Variants in SHISA6 observed in about 807,000 individuals in gnomAD.
SHISA6 encodes the protein protein shisa-6.
In SHISA6, 22 loss-of-function variants were observed where a neutral mutation model predicts 47.9. The observed-to-expected ratio is 0.46, with a 90% CI of 0.33 to 0.66. SHISA6 has a LOEUF of 0.66. Ranked by LOEUF, SHISA6 falls within the 30% of genes least tolerant of loss-of-function variation. The pLI, the probability that SHISA6 is intolerant of heterozygous loss-of-function variation, is 0.02. For missense variants in SHISA6, 680 were observed against 764.6 expected (o/e 0.89, Z 1.30); for synonymous variants, 388 against 337.8 (o/e 1.15, Z -1.63).
intron 2 of SHISA6, among the ~76,000 whole-genome samples, chr17:11,344,479 A>G (rs1383542924): frequency 6.6e-6 from 1 of 151,968 alleles, no homozygotes; most frequent in Non-Finnish European, 1.5e-5. Flanking sequence ...TTGATTTATG[A>G]GTCAGCTTCA....
chr17:11,542,266 T>C (rs908471241), intron 3 of SHISA6, among the ~76,000 whole-genome samples: 2 of 149,690 alleles, frequency 1.3e-5, no homozygotes, highest in Non-Finnish European at 1.5e-5. Flanking sequence ...ATACAATAAA[T>C]GGCTGACTCC....
chr17:11,443,850 A>G (rs535639960), intron 3 of SHISA6, among the ~76,000 whole-genome samples: 1 of 152,336 alleles, frequency 6.6e-6, no homozygotes, highest in East Asian at 1.9e-4. Flanking sequence ...AAATATCTGC[A>G]GAATAAATAC....
intron 2 of SHISA6, among the ~76,000 whole-genome samples, chr17:11,292,056 C>T (rs1028898633): frequency 5.9e-5 from 9 of 152,210 alleles, no homozygotes; most frequent in Non-Finnish European, 1.3e-4. Context: ...GTCTTAGCAG[C>T]GTTCAAGAAC....
At chr17:11,363,230 C>G (rs1357087398) in intron 2 of SHISA6, among the ~76,000 whole-genome samples, 2 of 149,412 alleles carry the variant, frequency 1.3e-5, no homozygotes, top group East Asian at 3.9e-4. Flanking sequence ...AGAAAACCTG[C>G]TGGCCTGTTT....
At chr17:11,399,791 A>T (rs1913702648) in intron 3 of SHISA6, among the ~76,000 whole-genome samples, 1 of 152,156 alleles carries the variant, frequency 6.6e-6, no homozygotes, top group Non-Finnish European at 1.5e-5. Flanking sequence ...GGAAATGTTG[A>T]GCCATGCAGA....
chr17:11,468,179 C>G (rs1915856285), intron 3 of SHISA6, among the ~76,000 whole-genome samples: 1 of 151,964 alleles, frequency 6.6e-6, no homozygotes, highest in Non-Finnish European at 1.5e-5. Flanking sequence ...TTCCACCCCC[C>G]AGGCCAACTT....
chr17:11,290,276 A>G (rs550363343), intron 2 of SHISA6: 4 of 151,998 alleles, frequency 2.6e-5, no homozygotes, highest in Non-Finnish European at 5.9e-5. Flanking sequence ...GGCACTTAAG[A>G]GTATCTTCAC....
chr17:11,406,920 G>T (rs1320135952), intron 3 of SHISA6, among the ~76,000 whole-genome samples: 2 of 152,116 alleles, frequency 1.3e-5, no homozygotes, highest in African/African-American at 4.8e-5. Flanking sequence ...ACAGGTGATT[G>T]GTTCTAATCA....
At chr17:11,249,403 C>T (rs527301558) in intron 1 of SHISA6, among the ~76,000 whole-genome samples, 17 of 152,104 alleles carry the variant, frequency 1.1e-4, no homozygotes, top group Non-Finnish European at 2.2e-4. Flanking sequence ...CTGCAAGCCA[C>T]GGAAGCTCAT....
At chr17:11,393,968 T>A (rs1348566597) in intron 3 of SHISA6, among the ~76,000 whole-genome samples, 2 of 152,208 alleles carry the variant, frequency 1.3e-5, no homozygotes, top group African/African-American at 4.8e-5. Flanking sequence ...TCTGCCTAAA[T>A]TTTCCTTTCT....
At chr17:11,480,907 G>A (rs191299433) in intron 3 of SHISA6, among the ~76,000 whole-genome samples, 1 of 152,126 alleles carries the variant, frequency 6.6e-6, no homozygotes, top group Non-Finnish European at 1.5e-5. Context: ...TGAAGGCAGG[G>A]GGAAGTGAGT....
chr17:11,544,821 T>A (rs555824949), intron 3 of SHISA6, among the ~76,000 whole-genome samples: 51 of 151,800 alleles, frequency 3.4e-4, no homozygotes, highest in African/African-American at 1.2e-3. Context: ...ATTAGCCAAG[T>A]GTGGTGGCAG....
chr17:11,516,400 C>A (rs182529587), intron 3 of SHISA6, among the ~76,000 whole-genome samples: 120 of 152,312 alleles, frequency 7.9e-4, no homozygotes, highest in African/African-American at 2.8e-3. Flanking sequence ...CTTGACAACA[C>A]ACCTAACTTC....
intron 5 of SHISA6, 54 bp from the exon 6 acceptor site, chr17:11,557,700 C>T (rs780279089): frequency 6.8e-7 from 1 of 1,478,132 alleles, no homozygotes; most frequent in Non-Finnish European, 9.0e-7. Context: ...CTATCTGAGT[C>T]CTGGCTGCAG....
chr17:11,521,581 C>T (rs957858596), intron 3 of SHISA6, among the ~76,000 whole-genome samples: 3 of 151,930 alleles, frequency 2.0e-5, no homozygotes, highest in East Asian at 1.9e-4. Flanking sequence ...ATCAGGAGTT[C>T]GAGACCAGCC....
intron 3 of SHISA6, among the ~76,000 whole-genome samples, chr17:11,471,133 C>T (rs138537225): frequency 0.014 from 2,025 of 147,616 alleles, 42 homozygotes; most frequent in African/African-American, 0.047. Flanking sequence ...CGCTTGAACC[C>T]GGGAGGCGGA....
rs2071995100 is a variant in SHISA6 at position 11,557,739 on chromosome 17, G to C, written c.1106-15G>C. ...CACCCCAGTTGCCTTCTCTCACTCTGTCTCTCCCCTGCAGCCGACAAGGAG... is the reference window on the plus strand; with the variant it reads ...CACCCCAGTTGCCTTCTCTCACTCTCTCTCTCCCCTGCAGCCGACAAGGAG... On this transcript the variant is annotated splice_polypyrimidine_tract_variant and intron_variant, in intron 5 of 5. Coordinates refer to ENST00000441885, the MANE Select transcript of SHISA6 (RefSeq NM_207386.4). The C allele has an allele frequency of 2.6e-6, 4 of 1,523,250 alleles. No individual in the cohort carries two copies. Among genetic ancestry groups the C allele is most frequent in the Non-Finnish European group, 8.8e-7 (1 of 1,132,704 alleles). The allele number at this position is 1,523,250 out of a possible 1,614,324, so 94.4% of individuals were successfully genotyped here. A position where few individuals can be genotyped will look rare whatever the true frequency, so the allele number is the denominator to read the frequency against.
At chr17:11,424,807 G>C (rs1277623613) in intron 3 of SHISA6, among the ~76,000 whole-genome samples, 1 of 151,822 alleles carries the variant, frequency 6.6e-6, no homozygotes, top group East Asian at 1.9e-4. Context: ...ATGGAAACTA[G>C]CCTGGCTAAC....
chr17:11,412,790 C>A (rs1272140377), intron 3 of SHISA6, among the ~76,000 whole-genome samples: 2 of 152,132 alleles, frequency 1.3e-5, no homozygotes, highest in Non-Finnish European at 2.9e-5. Flanking sequence ...CCGTGCATTC[C>A]ACCATCCCCA....
Sources: allele counts gnomAD v4.1 joint callset (sites outside exome capture counted in the v4.1 genomes callset), GRCh38; gene constraint gnomAD v4.1.1; transcripts MANE v1.5; gene names NCBI Gene and HGNC (gene_info 2026-07-23, HGNC 2026-07-21).